ZBTB26: variants seen among roughly 807,000 people sequenced by gnomAD.
The protein encoded by ZBTB26 is zinc finger and BTB domain-containing protein 26.
A neutral mutation model predicts 31.6 loss-of-function variants in ZBTB26; 12 were observed. The observed-to-expected ratio is 0.38, with a 90% confidence interval of 0.24 to 0.61. The LOEUF (loss-of-function observed/expected upper bound fraction) is 0.61, where lower values mean the gene tolerates loss of function less well. Ranked by LOEUF, ZBTB26 falls within the 20% of genes least tolerant of loss-of-function variation. The pLI, the probability that ZBTB26 is intolerant of heterozygous loss-of-function variation, is 0.60. For synonymous variants in ZBTB26, 155 were observed against 182.9 expected (o/e 0.85, Z 1.23); for missense variants, 311 against 521.9 (o/e 0.60, Z 3.94).
intron 1 of ZBTB26, among the ~76,000 whole-genome samples, chr9:122,927,493 A>AGT (rs1564337380): frequency 1.3e-5 from 2 of 152,220 alleles, no homozygotes; most frequent in Non-Finnish European, 2.9e-5. Flanking sequence ...GTCTCATAAA[A>AGT]GTGCCCTTAT....
Position 122,919,014 on chromosome 9 carries a change from GAA to G in ZBTB26, c.919_920del (p.Phe307HisfsTer17), listed in dbSNP as rs1564334269. 2 of 1,614,224 alleles carry G rather than the reference GAA, an allele frequency of 1.2e-6. No individual in the cohort carries two copies. The highest frequency in any genetic ancestry group is 1.7e-6 in the Non-Finnish European group (2 of 1,180,044). ...LFMCLLCGKTFTQKGNLHRHM... is the reference protein window; with the variant it reads ...LFMCLLCGKTXTQKGNLHRHM... ...GTCGATGAAGGTTGCCTTTCTGAGTGAAAGTCTTGCCGCAGAGTAGACACATA... is the reference window on the plus strand; with the variant it reads ...GTCGATGAAGGTTGCCTTTCTGAGTGAGTCTTGCCGCAGAGTAGACACATA... On this transcript the variant is annotated frameshift_variant, in exon 2 of 2. Transcript: ENST00000373656. LOFTEE classifies it high-confidence loss of function. The surrounding 1 kb of genome is among the most constrained non-coding windows in gnomAD (Gnocchi z 6.1).
At chr9:122,920,791 G>T (rs776285123) in intron 1 of ZBTB26, among the ~76,000 whole-genome samples, 6 of 152,142 alleles carry the variant, frequency 3.9e-5, no homozygotes, top group Non-Finnish European at 7.4e-5. Flanking sequence ...AACATAGATC[G>T]AATCAATCCC....
In ZBTB26 at chr9:122,918,421, T is replaced by C. The variant is rs1016104239; in HGVS notation, c.*188A>G. 7.0e-6 allele frequency: 5 copies of C among 715,646 alleles called. No individual in the cohort carries two copies. The highest frequency in any genetic ancestry group is 2.3e-5 in the South Asian group (1 of 44,178). The allele number at this position is 715,646 out of a possible 1,614,324, so 44.3% of individuals were successfully genotyped here. A position where few individuals can be genotyped will look rare whatever the true frequency, so the allele number is the denominator to read the frequency against. On this transcript the variant is annotated 3_prime_UTR_variant, in exon 2 of 2. Transcript: ENST00000373656. ...AAGATAAATAACTCAAAACAGAAAA[T>C]GGGAGAGGGCAAAAGTAAGGCAAAT...
chr9:122,924,024 G>A (rs759976010), intron 1 of ZBTB26, among the ~76,000 whole-genome samples: 1 of 152,210 alleles, frequency 6.6e-6, no homozygotes, highest in Non-Finnish European at 1.5e-5. Context: ...CAGGTGTGTA[G>A]TAGGCTATAC....
chr9:122,928,671 C>T (rs190758463), intron 1 of ZBTB26, among the ~76,000 whole-genome samples: 142 of 152,256 alleles, frequency 9.3e-4, no homozygotes, highest in African/African-American at 3.3e-3. Flanking sequence ...TGTTTTATTA[C>T]CTCCCTATGT....
rs1833018665 is a variant in ZBTB26 at position 122,916,480 on chromosome 9, T to G, written c.*2129A>C. 6.6e-6 allele frequency: 1 copy of G among 152,210 alleles called. No individual in the cohort carries two copies. The highest frequency in any genetic ancestry group is 1.5e-5 in the Non-Finnish European group (1 of 68,040). 9.4% of individuals were successfully genotyped at this position (152,210 alleles called of 1,614,324 possible). A position where few individuals can be genotyped will look rare whatever the true frequency, so the allele number is the denominator to read the frequency against. On this transcript the variant is annotated 3_prime_UTR_variant, in exon 2 of 2. Transcript: ENST00000373656. ...CCAATCTTATTTGAACCCGTGCCTTTTAGTCTTCAAACCAGTAACAAAAAC... is the reference window on the plus strand; with the variant it reads ...CCAATCTTATTTGAACCCGTGCCTTGTAGTCTTCAAACCAGTAACAAAAAC...
intron 1 of ZBTB26, among the ~76,000 whole-genome samples, chr9:122,926,172 G>A (rs1472926200): frequency 6.6e-6 from 1 of 151,710 alleles, no homozygotes; most frequent in East Asian, 2.0e-4. Flanking sequence ...TGGGATTACA[G>A]GTGTGAGCCA....
Position 122,919,549 on chromosome 9 carries a change from G to A in ZBTB26, c.386C>T (p.Pro129Leu), listed in dbSNP as rs201895457. 1.9e-6 allele frequency: 3 copies of A among 1,613,992 alleles called. No individual in the cohort carries two copies. Reference protein sequence around the residue: ...CTQALWKFIKPKQPMDSKEGC... With the variant: ...CTQALWKFIKLKQPMDSKEGC... ...CTCTTTACTATCCATTGGTTGTTTT[G>A]GCTTTATAAACTTCCACAGGGCCTG... is the stretch of plus-strand genomic sequence containing the variant. Residue 129 changes from proline (P) to leucine (L), a missense_variant, in exon 2 of 2, where the codon CCA (proline) becomes CTA (leucine). Around this residue, in one of 5 missense-constraint regions of ZBTB26, gnomAD observed 207 missense variants for 298.6 expected, o/e 0.69. Coordinates refer to ENST00000373656, the MANE Select transcript of ZBTB26 (RefSeq NM_020924.4). The surrounding 1 kb of genome is among the most constrained non-coding windows in gnomAD (Gnocchi z 6.1).
Position 122,919,974 on chromosome 9 carries a change from T to A in ZBTB26, c.-10-30A>T. On this transcript the variant is annotated intron_variant, in intron 1 of 1. Coordinates refer to ENST00000373656, the MANE Select transcript of ZBTB26 (RefSeq NM_020924.4). This position sits in a 1 kb window ranked among gnomAD's most constrained non-coding sequence, Gnocchi z 6.1. ...AGAACAGAAATGTAAAAAGGTTGAA[T>A]TTAAGGAAACTCAGACAATTAAGAA... 6.6e-7 allele frequency: 1 copy of A among 1,526,080 alleles called. No homozygotes were observed. The highest frequency in any genetic ancestry group is 8.7e-7 in the Non-Finnish European group (1 of 1,143,980). The allele number at this position is 1,526,080 out of a possible 1,614,324, so 94.5% of individuals were successfully genotyped here. A position where few individuals can be genotyped will look rare whatever the true frequency, so the allele number is the denominator to read the frequency against.
intron 1 of ZBTB26, among the ~76,000 whole-genome samples, chr9:122,925,595 C>T (rs1364650541): frequency 1.3e-5 from 2 of 151,680 alleles, no homozygotes; most frequent in Non-Finnish European, 2.9e-5. Context: ...AATCTAGGTA[C>T]AATTTTTTTT....
Position 122,917,140 on chromosome 9 carries a change from G to C in ZBTB26, c.*1469C>G, listed in dbSNP as rs1833026128. The C allele has an allele frequency of 6.6e-6, 1 of 152,190 alleles. No individual in the cohort carries two copies. Among genetic ancestry groups the C allele is most frequent in the Non-Finnish European group, 1.5e-5 (1 of 68,028 alleles). The allele number at this position is 152,190 out of a possible 1,614,324, so 9.4% of individuals were successfully genotyped here. ...TGTTGGCAAAATTCAGGTTGTCTCA[G>C]AAAGCCAACAGGGAGACACAAAGGG... On this transcript the variant is annotated 3_prime_UTR_variant, in exon 2 of 2. Coordinates refer to ENST00000373656, the MANE Select transcript of ZBTB26 (RefSeq NM_020924.4).
chr9:122,929,433 A>C (rs1833232910), intron 1 of ZBTB26, among the ~76,000 whole-genome samples: 1 of 152,180 alleles, frequency 6.6e-6, no homozygotes, highest in South Asian at 2.1e-4. Flanking sequence ...CAGTCACTGC[A>C]TAGAGCAGTG....
At chr9:122,923,556 C>T (rs1465158795) in intron 1 of ZBTB26, among the ~76,000 whole-genome samples, 3 of 152,180 alleles carry the variant, frequency 2.0e-5, no homozygotes, top group African/African-American at 7.2e-5. Context: ...GATGAATGTT[C>T]CAATTTGTAA....
chr9:122,924,197 GT>G (rs1271359110), intron 1 of ZBTB26, among the ~76,000 whole-genome samples: 1 of 152,210 alleles, frequency 6.6e-6, no homozygotes, highest in Admixed American at 6.5e-5. Flanking sequence ...CAACCAGATA[GT>G]TCAGGGAAGT....
chr9:122,922,567 C>G (rs916165655), intron 1 of ZBTB26, among the ~76,000 whole-genome samples: 4 of 152,180 alleles, frequency 2.6e-5, no homozygotes, highest in Non-Finnish European at 5.9e-5. Flanking sequence ...TGGCCAAACC[C>G]TCTTCTGTTC....
At position 122,919,289 on chromosome 9, in the gene ZBTB26, G is replaced by C. The variant is rs1342282235; in HGVS notation, c.646C>G (p.Pro216Ala). The C allele has an allele frequency of 3.7e-6, 6 of 1,614,052 alleles. No homozygotes were observed. The African/African-American group carries it at 8.0e-5, about 22-fold the overall frequency. The change falls in exon 2 of 2, where the codon CCC becomes GCC. Residue 216 changes from proline (P) to alanine (A), a missense_variant. By Grantham distance (27) the Pro-to-Ala change is conservative. Coordinates refer to ENST00000373656, the MANE Select transcript of ZBTB26 (RefSeq NM_020924.4). The surrounding 1 kb of genome is among the most constrained non-coding windows in gnomAD (Gnocchi z 6.1). ...GTTGAATTTATCAGGGAGTGCTGGG[G>C]CTCTGATGAATGTAAAGCAGTGGGT... is the stretch of plus-strand genomic sequence containing the variant. ...SEPTALHSSEPQHSLINSTVE... is the reference protein window; with the variant it reads ...SEPTALHSSEAQHSLINSTVE...
intron 1 of ZBTB26, among the ~76,000 whole-genome samples, chr9:122,930,842 G>A (rs1364068473): frequency 6.6e-6 from 1 of 152,112 alleles, no homozygotes; most frequent in East Asian, 1.9e-4. Flanking sequence ...TCTCAGCAAC[G>A]GCCCCTTGAG....
chr9:122,927,147 G>A (rs999755470), intron 1 of ZBTB26, among the ~76,000 whole-genome samples: 6 of 152,136 alleles, frequency 3.9e-5, no homozygotes, highest in Admixed American at 3.9e-4. Flanking sequence ...CTCAGTTACT[G>A]AGATTAAATC....
intron 1 of ZBTB26, among the ~76,000 whole-genome samples, chr9:122,928,633 T>C (rs1833220777): frequency 6.6e-6 from 1 of 152,198 alleles, no homozygotes; most frequent in South Asian, 2.1e-4. Flanking sequence ...TGCTATTTTT[T>C]TCAAAAAGCC....
Sources: gnomAD v4.1 joint callset for allele counts (sites outside exome capture counted in the v4.1 genomes callset) on GRCh38, gnomAD v4.1.1 for gene constraint, gnomAD v4.1.1 regional missense constraint, Gnocchi (gnomAD v3.1) non-coding constraint, MANE v1.5 for transcripts, NCBI Gene and HGNC (gene_info 2026-07-23, HGNC 2026-07-21) for gene names.